Variants in KAZN observed in about 807,000 individuals in gnomAD.
KAZN encodes the protein kazrin, periplakin interacting protein.
Under a neutral mutation model 87.4 loss-of-function variants are expected in KAZN, and 40 were observed. The ratio of observed to expected loss-of-function variants is 0.46; its 90% CI spans 0.36 to 0.60. KAZN has a LOEUF of 0.60. Among genes scored for constraint, KAZN ranks in the 20% least tolerant of loss-of-function variants. The pLI is 0.00. For synonymous variants in KAZN, 466 were observed against 458.3 expected, an observed-to-expected ratio of 1.02 and a Z score of -0.22; for missense variants, 898 against 1,073.9, an observed-to-expected ratio of 0.84 and a Z score of 2.29.
At chr1:14,816,513 G>T (rs1020183938) in intron 1 of KAZN, among the ~76,000 whole-genome samples, 4 of 152,104 alleles carry the variant, frequency 2.6e-5, no homozygotes, top group African/African-American at 9.7e-5. Context: ...TTGCCCTCAG[G>T]GCTTCCTCAA....
intron 2 of KAZN, among the ~76,000 whole-genome samples, chr1:14,991,118 T>C (rs956211840): frequency 6.6e-6 from 1 of 151,842 alleles, no homozygotes; most frequent in Middle Eastern, 3.2e-3. Flanking sequence ...TTTGGGAGGC[T>C]GAGGCGGGCG....
chr1:14,201,971 C>T (rs1381225574), intron 2 of KAZN, among the ~76,000 whole-genome samples: 5 of 152,150 alleles, frequency 3.3e-5, no homozygotes, highest in African/African-American at 4.8e-5. Context: ...CCTGGCCCCT[C>T]GTTTTTTATT....
chr1:14,906,468 C>G (rs971032214), intron 1 of KAZN, among the ~76,000 whole-genome samples: 5 of 152,078 alleles, frequency 3.3e-5, no homozygotes, highest in African/African-American at 9.6e-5. Flanking sequence ...GGAAGTTAGC[C>G]TGGGAATCGA....
intron 1 of KAZN, among the ~76,000 whole-genome samples, chr1:14,713,434 A>G (rs1248313207): frequency 2.0e-5 from 3 of 152,162 alleles, no homozygotes; most frequent in Non-Finnish European, 4.4e-5. Flanking sequence ...CGGAGCTGGC[A>G]CTGTGCCTGG....
At chr1:14,638,149 C>T (rs1211570145) in intron 1 of KAZN, among the ~76,000 whole-genome samples, 1 of 152,214 alleles carries the variant, frequency 6.6e-6, no homozygotes, top group East Asian at 1.9e-4. Flanking sequence ...CCAGGATGGC[C>T]TCGTCTCAAC....
intron 1 of KAZN, among the ~76,000 whole-genome samples, chr1:14,059,921 G>C (rs1642721337): frequency 1.3e-5 from 2 of 152,094 alleles, no homozygotes; most frequent in South Asian, 4.1e-4. Flanking sequence ...TGATTTATTT[G>C]CAAAAGCCAG....
chr1:14,264,393 CTT>C (rs1651314769), intron 2 of KAZN, among the ~76,000 whole-genome samples: 1 of 152,206 alleles, frequency 6.6e-6, no homozygotes, highest in South Asian at 2.1e-4. Flanking sequence ...TCCCCTAAAA[CTT>C]AATCCTCAAT....
At chr1:13,998,484 C>T (rs779670114) in intron 1 of KAZN, among the ~76,000 whole-genome samples, 1 of 152,076 alleles carries the variant, frequency 6.6e-6, no homozygotes, top group Non-Finnish European at 1.5e-5. Context: ...AGACTCAACT[C>T]ATGTGCAAAG....
intron 1 of KAZN, among the ~76,000 whole-genome samples, chr1:14,072,283 G>A (rs1426341473): frequency 1.3e-5 from 2 of 152,182 alleles, no homozygotes; most frequent in African/African-American, 2.4e-5. Context: ...TTAGTTTTGT[G>A]TTGTGTTTTT....
chr1:14,852,182 C>T (rs1649529122), intron 1 of KAZN, among the ~76,000 whole-genome samples: 1 of 152,214 alleles, frequency 6.6e-6, no homozygotes, highest in African/African-American at 2.4e-5. Flanking sequence ...CATCTCCCTC[C>T]ACCTTGGGGC....
intron 1 of KAZN, among the ~76,000 whole-genome samples, chr1:14,691,644 G>A (rs151255518): frequency 4.5e-4 from 69 of 152,058 alleles, no homozygotes; most frequent in Non-Finnish European, 5.6e-4. Context: ...ACACCACCAC[G>A]CCCAGCTACT....
chr1:14,372,250 T>G (rs1017855753), intron 2 of KAZN, among the ~76,000 whole-genome samples: 6 of 152,246 alleles, frequency 3.9e-5, no homozygotes, highest in African/African-American at 1.4e-4. Context: ...GAATCATGGA[T>G]AGATCAACAG....
chr1:15,110,616 T>C (rs904608711), intron 13 of KAZN, among the ~76,000 whole-genome samples: 1 of 152,024 alleles, frequency 6.6e-6, no homozygotes, highest in African/African-American at 2.4e-5. Context: ...AGTTCTGTTA[T>C]TAACCCCACT....
At chr1:13,996,231 A>T (rs981270238) in intron 1 of KAZN, among the ~76,000 whole-genome samples, 1 of 152,074 alleles carries the variant, frequency 6.6e-6, no homozygotes, top group African/African-American at 2.4e-5. Flanking sequence ...CCACTCACAA[A>T]CGTGTGCCAC....
intron 8 of KAZN, chr1:15,065,996 C>T (rs1367447979): frequency 7.5e-7 from 1 of 1,336,926 alleles, no homozygotes; most frequent in Non-Finnish European, 9.5e-7. Flanking sequence ...GTCGCCACCT[C>T]TGTAATTGAT....
intron 1 of KAZN, among the ~76,000 whole-genome samples, chr1:13,998,081 G>T (rs6660104): frequency 0.15 from 22,110 of 152,084 alleles, 1,716 homozygotes; most frequent in Middle Eastern, 0.22. Context: ...TTCAACATTC[G>T]TAAAAGAATT....
chr1:14,195,574 A>G (rs910190060), intron 2 of KAZN, among the ~76,000 whole-genome samples: 1 of 152,036 alleles, frequency 6.6e-6, no homozygotes, highest in African/African-American at 2.4e-5. Context: ...TACTGACAAA[A>G]TGAGGCAGAA....
intron 1 of KAZN, among the ~76,000 whole-genome samples, chr1:13,909,000 TC>T: frequency 6.6e-6 from 1 of 152,146 alleles, no homozygotes; most frequent in South Asian, 2.1e-4. Context: ...TTGCCTCTTC[TC>T]CTCGCTTCTT....
At chr1:14,882,283 C>G (rs974444013) in intron 1 of KAZN, among the ~76,000 whole-genome samples, 13 of 152,194 alleles carry the variant, frequency 8.5e-5, no homozygotes, top group African/African-American at 3.1e-4. Flanking sequence ...TTTTTTCCCT[C>G]CTAGAAGAAG....
Sources: allele counts gnomAD v4.1 joint callset (sites outside exome capture counted in the v4.1 genomes callset), GRCh38; gene constraint gnomAD v4.1.1; transcripts MANE v1.5; gene names NCBI Gene and HGNC (gene_info 2026-07-23, HGNC 2026-07-21).